The following CNRIP1 variants were observed in gnomAD, a reference collection of about 807,000 sequenced individuals.
CNRIP1 encodes CB1 cannabinoid receptor-interacting protein 1.
In CNRIP1, 10 loss-of-function variants were observed where a neutral mutation model predicts 15.2. The observed-to-expected ratio is 0.66, with a 90% confidence interval of 0.41 to 1.12. CNRIP1 has a LOEUF of 1.12. CNRIP1 is among the 50% of genes most tolerant of loss of function. CNRIP1 has a pLI of 0.00. For synonymous variants in CNRIP1, 91 were observed against 83.2 expected (o/e 1.09, Z -0.51); for missense variants, 211 against 214.7 (o/e 0.98, Z 0.11).
At chr2:68,315,191 G>C (rs931069311) in intron 2 of CNRIP1, among the ~76,000 whole-genome samples, 1 of 151,998 alleles carries the variant, frequency 6.6e-6, no homozygotes, top group Non-Finnish European at 1.5e-5. Flanking sequence ...AGAAAAATGG[G>C]TGAAAACTAT....
chr2:68,296,564 A>ATGTGTGTG (rs140524601), intron 2 of CNRIP1, among the ~76,000 whole-genome samples: 12 of 151,112 alleles, frequency 7.9e-5, no homozygotes, highest in South Asian at 2.1e-4. Context: ...ATATATGTGT[A>ATGTGTGTG]TGTGTGTGTG....
intron 2 of CNRIP1, among the ~76,000 whole-genome samples, chr2:68,301,788 AG>A (rs1336403175): frequency 2.7e-5 from 4 of 147,430 alleles, no homozygotes; most frequent in African/African-American, 1.0e-4. Context: ...GCTACTTGGG[AG>A]GCTGAGGCAG....
At position 68,293,771 on chromosome 2, in the gene CNRIP1, T is replaced by C; in HGVS notation, c.*91A>G. The C allele has an allele frequency of 6.5e-7, 1 of 1,531,392 alleles. No homozygotes were observed. Among genetic ancestry groups the C allele is most frequent in the Non-Finnish European group, 8.8e-7 (1 of 1,136,330 alleles). The allele number at this position is 1,531,392 out of a possible 1,614,324, so 94.9% of individuals were successfully genotyped here. On this transcript the variant is annotated 3_prime_UTR_variant, in exon 3 of 3. Transcript: ENST00000263655. ...ATTAGTACCAGATGGGGAACAGCAA[T>C]GGTGTGGCATGCCTTGTTTAAGGCC...
At chr2:68,307,713 G>A (rs1245189187) in intron 2 of CNRIP1, among the ~76,000 whole-genome samples, 1 of 152,128 alleles carries the variant, frequency 6.6e-6, no homozygotes, top group Non-Finnish European at 1.5e-5. Context: ...AGATATGTCA[G>A]TTGCCCTCTA....
rs1392553592 is a variant in CNRIP1, at chr2:68,319,388, G to C, written c.13C>G (p.Pro5Ala). Residue 5 changes from proline to alanine, a missense_variant, in exon 1 of 3, where the codon CCG becomes GCG. Pro to Ala is a conservative substitution (Grantham distance 27). Coordinates refer to ENST00000263655, the MANE Select transcript of CNRIP1 (RefSeq NM_015463.3). The part of the protein sequence containing the change: MGDL[P>A]GLVRLSIALR... ...GCGATGGAGAGGCGCACGAGGCCCGGCAGGTCCCCCATGTCTGGGCGAGGG... is the reference window on the plus strand; with the variant it reads ...GCGATGGAGAGGCGCACGAGGCCCGCCAGGTCCCCCATGTCTGGGCGAGGG... 1.3e-6 allele frequency: 2 copies of C among 1,578,194 alleles called. No homozygotes were observed. Among genetic ancestry groups the C allele is most frequent in the Non-Finnish European group, 1.7e-6 (2 of 1,164,506 alleles).
intron 2 of CNRIP1, among the ~76,000 whole-genome samples, chr2:68,315,343 G>T (rs1432040588): frequency 6.6e-6 from 1 of 152,088 alleles, no homozygotes; most frequent in Non-Finnish European, 1.5e-5. Context: ...GAGAGAAATG[G>T]ATACTTAAAT....
intron 2 of CNRIP1, among the ~76,000 whole-genome samples, chr2:68,311,384 T>TG (rs70949697): frequency 0.26 from 38,976 of 151,304 alleles, 5,666 homozygotes; most frequent in Non-Finnish European, 0.33. Context: ...GTGAAGCATG[T>TG]GAAAAAAAAA....
At chr2:68,299,050 TTTTA>T (rs1671498056) in intron 2 of CNRIP1, among the ~76,000 whole-genome samples, 1 of 152,200 alleles carries the variant, frequency 6.6e-6, no homozygotes, top group Non-Finnish European at 1.5e-5. Context: ...TTGTGCCTGG[TTTTA>T]TTATCTCCAG....
Position 68,319,636 on chromosome 2 carries a change from G to C in CNRIP1, c.-236C>G, listed in dbSNP as rs901579402. On this transcript the variant is annotated 5_prime_UTR_variant, in exon 1 of 3. Transcript: ENST00000263655. ...CGGCGAGGAAGCGGGCCCAAGAGAC[G>C]GCTCCAAGGCCGCGCGCTTCCCCAT... 7.9e-5 allele frequency: 38 copies of C among 481,972 alleles called. No homozygotes were observed. Among genetic ancestry groups the C allele is most frequent in the Non-Finnish European group, 1.2e-4 (34 of 273,658 alleles). The allele number at this position is 481,972 out of a possible 1,614,324, so 29.9% of individuals were successfully genotyped here. A position where few individuals can be genotyped will look rare whatever the true frequency, so the allele number is the denominator to read the frequency against.
chr2:68,314,884 T>C (rs762005507), intron 2 of CNRIP1, among the ~76,000 whole-genome samples: 6 of 152,072 alleles, frequency 3.9e-5, no homozygotes, highest in Non-Finnish European at 8.8e-5. Context: ...TCTAAATCTG[T>C]AATTCATCTA....
intron 2 of CNRIP1, among the ~76,000 whole-genome samples, chr2:68,300,597 T>G (rs140888746): frequency 1.3e-5 from 2 of 151,204 alleles, no homozygotes; most frequent in African/African-American, 4.9e-5. Flanking sequence ...AGCCTGGGCA[T>G]CAGAGCAAGA....
chr2:68,304,583 A>G (rs1210848608), intron 2 of CNRIP1, among the ~76,000 whole-genome samples: 2 of 151,472 alleles, frequency 1.3e-5, no homozygotes, highest in Non-Finnish European at 2.9e-5. Flanking sequence ...GTTCCCCACC[A>G]TGATCACATA....
chr2:68,298,109 T>C (rs986394), intron 2 of CNRIP1, among the ~76,000 whole-genome samples: 8,572 of 152,148 alleles, frequency 0.056, 296 homozygotes, highest in Admixed American at 0.093. Flanking sequence ...CTAATGAAAT[T>C]ATGACTTTGT....
chr2:68,319,187 G>C, intron 1 of CNRIP1, 35 bp downstream of exon 1: 1 of 1,513,870 alleles, frequency 6.6e-7, no homozygotes, highest in Non-Finnish European at 8.9e-7. Flanking sequence ...GTACCCCATG[G>C]GGGACCCTGC....
At chr2:68,310,387 G>A (rs1434101168) in intron 2 of CNRIP1, among the ~76,000 whole-genome samples, 1 of 152,110 alleles carries the variant, frequency 6.6e-6, no homozygotes, top group Non-Finnish European at 1.5e-5. Flanking sequence ...GGAACCTCAG[G>A]GTGGGTATAT....
intron 2 of CNRIP1, among the ~76,000 whole-genome samples, chr2:68,311,110 A>T (rs1184466014): frequency 6.6e-6 from 1 of 152,212 alleles, no homozygotes; most frequent in South Asian, 2.1e-4. Flanking sequence ...AGAATGAAGT[A>T]TTAAAAAAGT....
chr2:68,305,808 A>ACAC lies in CNRIP1; in HGVS notation c.330+11348_330+11349insGTG, dbSNP rs555928480. On this transcript the variant is annotated intron_variant, in intron 2 of 2. Transcript: ENST00000263655. ...AAGACTCTTCCAAAAAAAAAAAAAA[A>ACAC]ACACACACACACACACCTGGCAGTA... Among the ~76,000 whole-genome samples the ACAC allele has an allele frequency of 1.1e-3, 164 of 144,046 alleles. 1 individual carries two copies. Among genetic ancestry groups the ACAC allele is most frequent in the African/African-American group, 4.2e-3 (156 of 36,874 alleles). The allele number at this position is 144,046 out of a possible 152,430, so 94.5% of individuals were successfully genotyped here. A position where few individuals can be genotyped will look rare whatever the true frequency, so the allele number is the denominator to read the frequency against.
At chr2:68,303,103 C>T (rs1026121246) in intron 2 of CNRIP1, among the ~76,000 whole-genome samples, 12 of 96,908 alleles carry the variant, frequency 1.2e-4, no homozygotes, top group East Asian at 2.2e-3. Flanking sequence ...CGCCTTGGCC[C>T]CCAAAGTGCT....
intron 2 of CNRIP1, among the ~76,000 whole-genome samples, chr2:68,313,488 C>G (rs1672165859): frequency 6.6e-6 from 1 of 151,974 alleles, no homozygotes; most frequent in Non-Finnish European, 1.5e-5. Context: ...AATATGCTAC[C>G]CAGAAATAAA....
Sources: allele counts gnomAD v4.1 joint callset (sites outside exome capture counted in the v4.1 genomes callset), GRCh38; gene constraint gnomAD v4.1.1; transcripts MANE v1.5; gene names NCBI Gene and HGNC (gene_info 2026-07-23, HGNC 2026-07-21).